Variants in ZNF532 observed in about 807,000 individuals in gnomAD.
ZNF532 encodes zinc finger protein 532.
In ZNF532, 22 loss-of-function variants were observed where a neutral mutation model predicts 89.3. That is an observed-to-expected ratio of 0.25 (90% CI 0.18 to 0.35). ZNF532 has a LOEUF of 0.35. Among genes scored for constraint, ZNF532 ranks in the 10% least tolerant of loss-of-function variants. The pLI, the probability that ZNF532 is intolerant of heterozygous loss-of-function variation, is 1.00. For missense variants in ZNF532, 1,132 were observed against 1,643.4 expected, an observed-to-expected ratio of 0.69 and a Z score of 5.38; for synonymous variants, 606 against 649.6, an observed-to-expected ratio of 0.93 and a Z score of 1.02.
intron 3 of ZNF532, among the ~76,000 whole-genome samples, chr18:58,927,430 C>T (rs538141697): frequency 6.8e-6 from 1 of 146,874 alleles, no homozygotes; most frequent in African/African-American, 2.5e-5. Context: ...GGCTACAGAG[C>T]ACAGGCTTTT....
At chr18:58,922,608 C>T (rs111275266) in intron 3 of ZNF532, among the ~76,000 whole-genome samples, 1,660 of 152,316 alleles carry the variant, frequency 0.011, 24 homozygotes, top group Middle Eastern at 0.044. Context: ...ATCTTGACAC[C>T]GCTTCATCAA....
At chr18:58,931,522 A>G (rs1343894493) in intron 3 of ZNF532, 1 of 152,236 alleles carries the variant, frequency 6.6e-6, no homozygotes, top group Non-Finnish European at 1.5e-5. Context: ...TAACAGGAAC[A>G]GTGAATACAA....
chr18:58,963,678 C>T (rs1239037081), intron 7 of ZNF532, among the ~76,000 whole-genome samples: 1 of 149,732 alleles, frequency 6.7e-6, no homozygotes, highest in Non-Finnish European at 1.5e-5. Flanking sequence ...GCCCACTTGG[C>T]CGGGTGCAGT....
chr18:58,910,930 T>C (rs902224095), intron 2 of ZNF532, among the ~76,000 whole-genome samples: 3 of 151,350 alleles, frequency 2.0e-5, no homozygotes, highest in African/African-American at 7.3e-5. Context: ...CTAAGCTAGA[T>C]TGCAGTGGCG....
intron 5 of ZNF532, 165 bp downstream of exon 5, chr18:58,939,786 T>C (rs996589406): frequency 1.9e-6 from 1 of 536,428 alleles, no homozygotes; most frequent in East Asian, 3.2e-5. Context: ...TCCAAATCTT[T>C]CTGTTCTTTC....
At chr18:58,911,221 G>C (rs1472890014) in intron 2 of ZNF532, among the ~76,000 whole-genome samples, 1 of 152,204 alleles carries the variant, frequency 6.6e-6, no homozygotes. Flanking sequence ...TATGCCACTA[G>C]GCAAATGGGA....
At chr18:58,911,794 A>G (rs565396481) in intron 2 of ZNF532, among the ~76,000 whole-genome samples, 76 of 152,356 alleles carry the variant, frequency 5.0e-4, no homozygotes, top group African/African-American at 1.6e-3. Flanking sequence ...GGAGGGCTAC[A>G]GGCACGCCCT....
chr18:58,979,076 C>A lies in ZNF532; in HGVS notation c.3172C>A (p.Arg1058Ser). ...HGKQMKKHPC[R>S]QCDKSFSSSH... ...CCAGCAAATGAAGAAACACCCCTGC[C>A]GCCAGTGTGACAAGTCTTTCAGCTC... is the stretch of plus-strand genomic sequence containing the variant. The change falls in exon 8 of 10, where the codon CGC becomes AGC. Residue 1058 changes from arginine to serine, a missense_variant. Coordinates refer to ENST00000591808, the MANE Select transcript of ZNF532 (RefSeq NM_001375912.1). 6.2e-7 allele frequency: 1 copy of A among 1,611,732 alleles called. No individual in the cohort carries two copies. Among genetic ancestry groups the A allele is most frequent in the South Asian group, 1.1e-5 (1 of 90,952 alleles).
At chr18:58,959,260 G>GTTTTTTTTTTTTTTTTTTTTTTTTT (rs1459830009) in intron 7 of ZNF532, among the ~76,000 whole-genome samples, 1 of 128,706 alleles carries the variant, frequency 7.8e-6, no homozygotes, top group Non-Finnish European at 1.6e-5. Flanking sequence ...TTTGTTTTTT[G>GTTTTTTTTTTTTTTTTTTTTTTTTT]TTTTTTTTTG....
intron 7 of ZNF532, among the ~76,000 whole-genome samples, chr18:58,974,702 C>A (rs1196094578): frequency 6.6e-6 from 1 of 152,180 alleles, no homozygotes; most frequent in Non-Finnish European, 1.5e-5. Flanking sequence ...ACCAGGGCCT[C>A]CCTCTCAACT....
At chr18:58,967,881 A>C (rs916678653) in intron 7 of ZNF532, among the ~76,000 whole-genome samples, 1 of 152,236 alleles carries the variant, frequency 6.6e-6, no homozygotes, top group African/African-American at 2.4e-5. Context: ...GGAGTGGTTC[A>C]GTGCAGGCTC....
chr18:58,923,003 G>A (rs2061240620), intron 3 of ZNF532, among the ~76,000 whole-genome samples: 1 of 152,188 alleles, frequency 6.6e-6, no homozygotes, highest in South Asian at 2.1e-4. Flanking sequence ...TCTTTTGTGT[G>A]TGGTTGCTTT....
At chr18:58,914,264 T>C (rs576442911) in intron 2 of ZNF532, among the ~76,000 whole-genome samples, 122 of 152,362 alleles carry the variant, frequency 8.0e-4, no homozygotes, top group South Asian at 2.5e-3. Context: ...TTCAATTTCC[T>C]TTTTTGTAAA....
intron 2 of ZNF532, among the ~76,000 whole-genome samples, chr18:58,893,656 CAAAAA>C (rs11389338): frequency 8.5e-6 from 1 of 118,098 alleles, no homozygotes; most frequent in Non-Finnish European, 1.9e-5. Flanking sequence ...GACTCTGTCT[CAAAAA>C]AAAAAAAAAA....
intron 7 of ZNF532, among the ~76,000 whole-genome samples, chr18:58,966,738 G>GTTTTGTTTTTT (rs2065949156): frequency 7.9e-6 from 1 of 125,994 alleles, no homozygotes. Context: ...ATTTTTTTGT[G>GTTTTGTTTTTT]TTTTTTTTTT....
At chr18:58,888,865 T>TA (rs1568248420) in intron 2 of ZNF532, among the ~76,000 whole-genome samples, 60 of 51,888 alleles carry the variant, frequency 1.2e-3, no homozygotes, top group African/African-American at 1.6e-3. Context: ...TTTATATATA[T>TA]ATAATATATA....
intron 7 of ZNF532, among the ~76,000 whole-genome samples, chr18:58,954,791 C>T (rs2064595844): frequency 6.7e-6 from 1 of 149,402 alleles, no homozygotes; most frequent in African/African-American, 2.5e-5. Context: ...CGGCTTGCTG[C>T]AATCTCTACC....
At chr18:58,942,860 G>A (rs1320025187) in intron 5 of ZNF532, among the ~76,000 whole-genome samples, 1 of 152,174 alleles carries the variant, frequency 6.6e-6, no homozygotes, top group Non-Finnish European at 1.5e-5. Flanking sequence ...ATAAATGTAT[G>A]CAAATGATTT....
At chr18:58,982,078 C>T (rs2067851122) in intron 9 of ZNF532, among the ~76,000 whole-genome samples, 1 of 149,936 alleles carries the variant, frequency 6.7e-6, no homozygotes. Flanking sequence ...CCCATTCTGA[C>T]CTCATCATCA....
Sources: gnomAD v4.1 joint callset for allele counts (sites outside exome capture counted in the v4.1 genomes callset) on GRCh38, gnomAD v4.1.1 for gene constraint, MANE v1.5 for transcripts, NCBI Gene and HGNC (gene_info 2026-07-23, HGNC 2026-07-21) for gene names.